The following CASKIN1 variants were observed in gnomAD, a reference collection of about 807,000 sequenced individuals.
The protein encoded by CASKIN1 is caskin-1.
CASKIN1 carries 42 observed loss-of-function variants against 117.5 expected under a neutral mutation model. That is an observed-to-expected ratio of 0.36 (90% CI 0.28 to 0.46). The LOEUF (loss-of-function observed/expected upper bound fraction) is 0.46, where lower values mean the gene tolerates loss of function less well. CASKIN1 is among the 20% of genes least tolerant of loss of function. The pLI, the probability that CASKIN1 is intolerant of heterozygous loss-of-function variation, is 1.00. For missense variants in CASKIN1, 2,083 were observed against 2,077.3 expected, an observed-to-expected ratio of 1.00 and a Z score of -0.05; for synonymous variants, 1,148 against 961.7, an observed-to-expected ratio of 1.19 and a Z score of -3.59.
rs370306374 is a variant in CASKIN1, at chr16:2,179,627, G to A, written c.3741C>T (p.Ser1247=). 1.1e-5 allele frequency: 16 copies of A among 1,471,688 alleles called. No individual in the cohort carries two copies. The East Asian group carries it at 3.2e-4, about 30-fold the overall frequency. 91.2% of individuals were successfully genotyped at this position (1,471,688 alleles called of 1,614,324 possible). ...CAGGGCCTGGCAGCGGCACCTTCTTGGAGGTGGGTGTGGGCGAGCCCTGGA... is the reference window on the plus strand; with the variant it reads ...CAGGGCCTGGCAGCGGCACCTTCTTAGAGGTGGGTGTGGGCGAGCCCTGGA... The part of the protein sequence containing the change: ...PKLQGSPTPT[S]KKVPLPGPGS... The change falls in exon 18 of 20, where the codon TCC becomes TCT. Residue 1247 remains serine, a synonymous_variant. Coordinates refer to ENST00000343516, the MANE Select transcript of CASKIN1 (RefSeq NM_020764.4). This position sits in a 1 kb window ranked among gnomAD's most constrained non-coding sequence, Gnocchi z 5.8.
rs932509500 is a variant in CASKIN1 at position 2,180,504 on chromosome 16, G to C, written c.2864C>G (p.Ser955Trp). 1 of 1,550,206 alleles carries C rather than the reference G, an allele frequency of 6.5e-7. No homozygotes were observed. Among genetic ancestry groups the C allele is most frequent in the Non-Finnish European group, 8.7e-7 (1 of 1,154,058 alleles). Residue 955 changes from serine to tryptophan, a missense_variant, in exon 18 of 20, where the codon TCG becomes TGG. Physicochemically the swap from Ser to Trp is radical, Grantham distance 177 (BLOSUM62 -3). Around this residue, in one of 3 missense-constraint regions of CASKIN1, gnomAD observed 1,818 missense variants for 1,688.9 expected, o/e 1.08. Transcript: ENST00000343516. ...CGCCAGGTTGGCACTAGCCAGGGCC[G>C]AGCTGGAGCGCTTGGGTGGGGGCGG... ...PPPPPPKRSS[S>W]ALASANLADE...
chr16:2,193,995 C>T (rs926007917), intron 1 of CASKIN1, among the ~76,000 whole-genome samples: 1 of 151,800 alleles, frequency 6.6e-6, no homozygotes, highest in Non-Finnish European at 1.5e-5. Flanking sequence ...AGTCCAGGAG[C>T]CCCCCTCCCT....
chr16:2,185,395 G>A lies in CASKIN1; in HGVS notation c.1062C>T (p.Gly354=), dbSNP rs1261542616. 2 of 1,607,442 alleles carry A rather than the reference G, an allele frequency of 1.2e-6. No individual in the cohort carries two copies. The highest frequency in any genetic ancestry group is 1.3e-5 in the African/African-American group (1 of 74,838). ...TTCCCTGGGGCAGGCTTGGTTCAGT[G>A]CCTGCTCGGGAACCTGTGGGTCAAG... ...AIVKRAGSRA[G]TEPSLPQGSS... is the part of the protein sequence containing the mutation. Residue 354 remains glycine, a synonymous_variant, in exon 11 of 20, where the codon GGC becomes GGT. Transcript: ENST00000343516.
In CASKIN1 at chr16:2,185,054, G is replaced by A. The variant is rs755234996; in HGVS notation, c.1240-19C>T. The A allele has an allele frequency of 2.9e-5, 47 of 1,606,622 alleles. No homozygotes were observed. Among genetic ancestry groups the A allele is most frequent in the Middle Eastern group, 1.6e-4 (1 of 6,062 alleles). Reference sequence around the variant, plus strand: ...CCAGGAGCTGCAACCCAGAAACCCCGGCTTGTCACCTGCTCCCAGCCCTGG... The same window carrying A: ...CCAGGAGCTGCAACCCAGAAACCCCAGCTTGTCACCTGCTCCCAGCCCTGG... On this transcript the variant is annotated intron_variant, in intron 12 of 19. Coordinates refer to ENST00000343516, the MANE Select transcript of CASKIN1 (RefSeq NM_020764.4).
At position 2,189,299 on chromosome 16, in the gene CASKIN1, C is replaced by T. The variant is rs764510057; in HGVS notation, c.425G>A (p.Cys142Tyr). The T allele has an allele frequency of 2.5e-6, 4 of 1,613,292 alleles. No homozygotes were observed. Among genetic ancestry groups the T allele is most frequent in the Non-Finnish European group, 3.4e-6 (4 of 1,179,918 alleles). The change falls in exon 5 of 20, where the codon TGC (cysteine) becomes TAC (tyrosine). Residue 142 changes from cysteine to tyrosine, a missense_variant. Transcript: ENST00000343516. Reference sequence around the variant, plus strand: ...CGTCTTCCCCGAGTTGTCCACCATGCACGGGTTAGACTGGTGCTGTAGCAG... The same window carrying T: ...CGTCTTCCCCGAGTTGTCCACCATGTACGGGTTAGACTGGTGCTGTAGCAG... ...EMLLQHQSNP[C>Y]MVDNSGKTPL...
Position 2,185,297 on chromosome 16 carries a change from C to A in CASKIN1, c.1150+10G>T. 6.3e-7 allele frequency: 1 copy of A among 1,594,408 alleles called. No homozygotes were observed. The highest frequency in any genetic ancestry group is 8.6e-7 in the Non-Finnish European group (1 of 1,166,400). On this transcript the variant is annotated intron_variant, in intron 11 of 19. Transcript: ENST00000343516. Reference sequence around the variant, plus strand: ...TCCTGCCACCTCTGCCCTTCAGGGACCCAGCCTACCTGCAAAAGGCTTCCT... The same window carrying A: ...TCCTGCCACCTCTGCCCTTCAGGGAACCAGCCTACCTGCAAAAGGCTTCCT...
rs957771225 is a variant in CASKIN1, at chr16:2,177,743, G to T, written c.*807C>A. 1.6e-5 allele frequency: 4 copies of T among 242,630 alleles called. No individual in the cohort carries two copies. The highest frequency in any genetic ancestry group is 3.2e-5 in the Non-Finnish European group (4 of 123,258). 15.0% of individuals were successfully genotyped at this position (242,630 alleles called of 1,614,324 possible). A position where few individuals can be genotyped will look rare whatever the true frequency, so the allele number is the denominator to read the frequency against. On this transcript the variant is annotated 3_prime_UTR_variant, in exon 20 of 20. Coordinates refer to ENST00000343516, the MANE Select transcript of CASKIN1 (RefSeq NM_020764.4). ...ACACCCACATTCACCAAACCCACCC[G>T]CGCCCTGGGACGCAGCCACGCCAGG...
chr16:2,183,289 C>T (rs1382975762), intron 16 of CASKIN1, among the ~76,000 whole-genome samples: 1 of 152,216 alleles, frequency 6.6e-6, no homozygotes, highest in Non-Finnish European at 1.5e-5. Flanking sequence ...AGGCCGTAAG[C>T]ATGGCCCCCT....
At chr16:2,187,871 C>T (rs1292376804) in intron 6 of CASKIN1, among the ~76,000 whole-genome samples, 3 of 151,986 alleles carry the variant, frequency 2.0e-5, no homozygotes, top group South Asian at 2.1e-4. Context: ...GGAGTACAGG[C>T]GTGCGCCACT....
intron 16 of CASKIN1, among the ~76,000 whole-genome samples, chr16:2,183,065 G>A (rs974106704): frequency 2.6e-5 from 4 of 152,222 alleles, no homozygotes; most frequent in Non-Finnish European, 2.9e-5. Flanking sequence ...GGGATTACAG[G>A]CGTGAGCCAC....
At position 2,180,027 on chromosome 16, in the gene CASKIN1, G is replaced by T; in HGVS notation, c.3341C>A (p.Pro1114His). ...SKGEAGVEGPPLAKVEASATL... is the reference protein window; with the variant it reads ...SKGEAGVEGPHLAKVEASATL... ...GGCGCTGGCTTCCACCTTGGCCAAG[G>T]GCGGGCCTTCGACACCCGCCTCGCC... Residue 1114 changes from proline to histidine, a missense_variant, in exon 18 of 20, where the codon CCC becomes CAC. Around this residue, in one of 3 missense-constraint regions of CASKIN1, gnomAD observed 1,818 missense variants for 1,688.9 expected, o/e 1.08. Transcript: ENST00000343516. The T allele has an allele frequency of 6.3e-7, 1 of 1,590,922 alleles. No individual in the cohort carries two copies. The highest frequency in any genetic ancestry group is 8.6e-7 in the Non-Finnish European group (1 of 1,168,472).
rs1362099104 is a variant in CASKIN1, at chr16:2,196,402, C to T, written c.31G>A (p.Val11Met). The change falls in exon 1 of 20, where the codon GTG (valine) becomes ATG (methionine). Residue 11 changes from valine (V) to methionine (M), a missense_variant. Coordinates refer to ENST00000343516, the MANE Select transcript of CASKIN1 (RefSeq NM_020764.4). The surrounding 1 kb of genome is among the most constrained non-coding windows in gnomAD (Gnocchi z 5.7). ...GCGGTCCCTACGTCCTCCGCCTTCA[C>T]CGCCTGCACCAGCTCCTGCTCCTTC... MGKEQELVQA[V>M]KAEDVGTAQR... The T allele has an allele frequency of 7.3e-7, 1 of 1,366,762 alleles. No individual in the cohort carries two copies. Among genetic ancestry groups the T allele is most frequent in the African/African-American group, 1.5e-5 (1 of 65,588 alleles). The allele number at this position is 1,366,762 out of a possible 1,614,324, so 84.7% of individuals were successfully genotyped here. A position where few individuals can be genotyped will look rare whatever the true frequency, so the allele number is the denominator to read the frequency against.
rs1297428605 is a variant in CASKIN1, at chr16:2,182,355, T to C, written c.1630-426A>G. On this transcript the variant is annotated intron_variant, in intron 16 of 19. Coordinates refer to ENST00000343516, the MANE Select transcript of CASKIN1 (RefSeq NM_020764.4). This position sits in a 1 kb window ranked among gnomAD's most constrained non-coding sequence, Gnocchi z 4.1. ...CACAGGCACCAGCACCCCATCCCGT[T>C]TCACACTCTGACCTCTCACCCACAT... 6.6e-6 allele frequency among the ~76,000 whole-genome samples: 1 copy of C among 151,336 alleles called. No individual in the cohort carries two copies. The highest frequency in any genetic ancestry group is 1.9e-4 in the East Asian group (1 of 5,160).
rs369240172 is a variant in CASKIN1, at chr16:2,186,712, C to T, written c.1043G>A (p.Arg348Gln). ...PSSLGEAIVK[R>Q]AGSRAGTEPS... ...CAGGGTGGGGTGGAACTTGCCTGCT[C>T]GCTTGACAATGGCCTCGCCCAGGGA... The change falls in exon 10 of 20, where the codon CGA (arginine) becomes CAA (glutamine). Residue 348 changes from arginine to glutamine, a missense_variant. Physicochemically the swap from Arg to Gln is conservative, Grantham distance 43 (BLOSUM62 1). This residue lies in a region of CASKIN1 where 1,818 missense variants were observed against 1,688.9 expected (regional missense o/e 1.08). Transcript: ENST00000343516. 22 of 1,612,290 alleles carry T rather than the reference C, an allele frequency of 1.4e-5. No individual in the cohort carries two copies. Among genetic ancestry groups the T allele is most frequent in the Admixed American group, 5.0e-5 (3 of 59,968 alleles).
rs1334006347 is a variant in CASKIN1, at chr16:2,184,279, TG to T, written c.1417-339del. Among the ~76,000 whole-genome samples, 5 of 151,908 alleles carry T rather than the reference TG, an allele frequency of 3.3e-5. 1 individual carries two copies. Among genetic ancestry groups the T allele is most frequent in the Non-Finnish European group, 7.4e-5 (5 of 67,934 alleles). On this transcript the variant is annotated intron_variant, in intron 14 of 19. Transcript: ENST00000343516. ...CCCCACGCCATCTTGGGGATGCAGG[TG>T]GTATGGCCCCTTGGGAGGGGGCTCT...
At chr16:2,186,657 C>A (rs1372998011) in intron 10 of CASKIN1, 50 bp downstream of exon 10, 2 of 1,535,112 alleles carry the variant, frequency 1.3e-6, no homozygotes, top group South Asian at 1.1e-5. Context: ...TGCTTCCAGC[C>A]CCCAAGCCCA....
intron 1 of CASKIN1, among the ~76,000 whole-genome samples, chr16:2,193,758 T>C (rs2093207583): frequency 6.6e-6 from 1 of 152,158 alleles, no homozygotes; most frequent in South Asian, 2.1e-4. Flanking sequence ...ATCTCGTCCC[T>C]CTCCCCACTT....
At position 2,181,370 on chromosome 16, in the gene CASKIN1, A is replaced by G; in HGVS notation, c.1998T>C (p.Thr666=). The G allele has an allele frequency of 6.2e-7, 1 of 1,608,908 alleles. No individual in the cohort carries two copies. The highest frequency in any genetic ancestry group is 8.5e-7 in the Non-Finnish European group (1 of 1,178,972). ...TGGTGGGCCCCACCTCAGCCGGGCC[A>G]GTCATGGCAGCCTGCAGCTCGTCAC... The part of the protein sequence containing the change: ...ELSDELQAAM[T]GPAEVGPTTE... The change falls in exon 18 of 20, where the codon ACT becomes ACC. Residue 666 remains threonine, a synonymous_variant. Coordinates refer to ENST00000343516, the MANE Select transcript of CASKIN1 (RefSeq NM_020764.4).
intron 14 of CASKIN1, 145 bp downstream of exon 14, chr16:2,184,628 AGACT>A (rs753951512): frequency 3.6e-5 from 22 of 605,440 alleles, no homozygotes; most frequent in South Asian, 2.8e-4. Flanking sequence ...CACAACACAC[AGACT>A]GACAGACAGA....
Sources: allele counts gnomAD v4.1 joint callset (sites outside exome capture counted in the v4.1 genomes callset), GRCh38; gene constraint gnomAD v4.1.1; regional missense constraint gnomAD v4.1.1; non-coding constraint Gnocchi (gnomAD v3.1); transcripts MANE v1.5; gene names NCBI Gene and HGNC (gene_info 2026-07-23, HGNC 2026-07-21).